The following HERC3 variants were observed in gnomAD, a reference collection of about 807,000 sequenced individuals.
HERC3 encodes HECT and RLD domain containing E3 ubiquitin protein ligase 3.
A neutral mutation model predicts 129.9 loss-of-function variants in HERC3; 58 were observed. That is an observed-to-expected ratio of 0.45 (90% CI 0.36 to 0.56). HERC3 has a LOEUF of 0.56. HERC3 is among the 20% of genes least tolerant of loss of function. The pLI, the probability that HERC3 is intolerant of heterozygous loss-of-function variation, is 0.00. For missense variants in HERC3, 835 were observed against 1,244.2 expected (o/e 0.67, Z 4.95); for synonymous variants, 430 against 451.0 (o/e 0.95, Z 0.59).
At chr4:88,678,239 TTTCA>T (rs771226593) in intron 19 of HERC3, 105 bp downstream of exon 19, 12 of 953,820 alleles carry the variant, frequency 1.3e-5, no homozygotes, top group Non-Finnish European at 1.7e-5. Context: ...GCAGCCATTC[TTTCA>T]TTCATTTTGC....
At chr4:88,654,281 A>AATAG in intron 7 of HERC3, 148 bp downstream of exon 7, 1 of 434,078 alleles carries the variant, frequency 2.3e-6, no homozygotes, top group Non-Finnish European at 4.0e-6. Flanking sequence ...GTTGTTTTCC[A>AATAG]AAGGAATAGA....
chr4:88,670,416 A>G (rs188142931), intron 16 of HERC3, among the ~76,000 whole-genome samples, 164 bp downstream of exon 16: 203 of 152,310 alleles, frequency 1.3e-3, no homozygotes, highest in Non-Finnish European at 2.4e-3. Flanking sequence ...GTAATCATCA[A>G]TGTTATAAGG....
the HERC3 span, among the ~76,000 whole-genome samples, chr4:88,524,599 A>G: frequency 6.6e-6 from 1 of 152,266 alleles, no homozygotes; most frequent in Non-Finnish European, 1.5e-5. Flanking sequence ...TGACTTTGGC[A>G]AATGACTTAA....
intron 2 of HERC3, among the ~76,000 whole-genome samples, chr4:88,602,402 CAA>C (rs112656963): frequency 1.4e-4 from 7 of 51,226 alleles, no homozygotes; most frequent in East Asian, 5.6e-4. Context: ...ACTTGGTCTC[CAA>C]AAAAAAAAAA....
At chr4:88,635,130 G>T (rs781486258) in intron 3 of HERC3, among the ~76,000 whole-genome samples, 1 of 151,980 alleles carries the variant, frequency 6.6e-6, no homozygotes, top group South Asian at 2.1e-4. Flanking sequence ...CAGCAAGGGC[G>T]CAGAACTGTA....
the HERC3 span, among the ~76,000 whole-genome samples, chr4:88,582,667 C>T: frequency 2.7e-4 from 41 of 152,278 alleles, no homozygotes; most frequent in African/African-American, 9.6e-4. Flanking sequence ...TATTCTTATT[C>T]TTCTGGAGGC....
chr4:88,616,670 TTTTG>T (rs370865583), intron 3 of HERC3, among the ~76,000 whole-genome samples: 88 of 152,238 alleles, frequency 5.8e-4, no homozygotes, highest in Middle Eastern at 3.4e-3. Context: ...TGATCTCTGT[TTTTG>T]TTTGTTTGTT....
At chr4:88,552,281 TA>T in the HERC3 span, among the ~76,000 whole-genome samples, 10,789 of 142,884 alleles carry the variant, frequency 0.076, 477 homozygotes, top group South Asian at 0.23. Flanking sequence ...ACTTAAAGTA[TA>T]AAAAAAAAAA....
At chr4:88,701,709 G>T (rs1007444462) in intron 23 of HERC3, among the ~76,000 whole-genome samples, 1 of 150,762 alleles carries the variant, frequency 6.6e-6, no homozygotes, top group African/African-American at 2.4e-5. Context: ...CCCTCTTCCC[G>T]CCCTTCTTTC....
intron 3 of HERC3, among the ~76,000 whole-genome samples, chr4:88,621,844 A>G (rs1218691293): frequency 6.6e-6 from 1 of 152,240 alleles, no homozygotes; most frequent in Non-Finnish European, 1.5e-5. Context: ...TTATAACCCT[A>G]AAACTGTAAG....
intron 2 of HERC3, among the ~76,000 whole-genome samples, 154 bp from the exon 3 acceptor site, chr4:88,605,640 CT>C (rs1320115954): frequency 1.3e-5 from 2 of 152,100 alleles, no homozygotes; most frequent in Non-Finnish European, 2.9e-5. Context: ...AACATAACTG[CT>C]TTCAACAGTA....
intron 3 of HERC3, among the ~76,000 whole-genome samples, chr4:88,612,495 A>G (rs890337030): frequency 1.3e-5 from 2 of 152,196 alleles, no homozygotes; most frequent in South Asian, 2.1e-4. Context: ...TCCCAGAAGC[A>G]TTTTTCAGAT....
Position 88,707,984 on chromosome 4 carries a change from C to T in HERC3, c.*1024C>T, listed in dbSNP as rs1735907765. The T allele has an allele frequency of 6.6e-6, 1 of 151,916 alleles. No homozygotes were observed. Among genetic ancestry groups the T allele is most frequent in the African/African-American group, 2.4e-5 (1 of 41,170 alleles). The allele number at this position is 151,916 out of a possible 1,614,324, so 9.4% of individuals were successfully genotyped here. On this transcript the variant is annotated 3_prime_UTR_variant, in exon 26 of 26. Transcript: ENST00000402738. ...TTCTCTGTTACTTGACTCAGTGCTC[C>T]CTTCCTCTCCTCTCCTTCTAGTGGA...
At chr4:88,595,935 G>A (rs553454128) in intron 2 of HERC3, among the ~76,000 whole-genome samples, 2 of 132,824 alleles carry the variant, frequency 1.5e-5, no homozygotes, top group African/African-American at 5.7e-5. Context: ...TGCAGGCTCC[G>A]CCCCCCGGGG....
chr4:88,539,518 C>A, the HERC3 span, among the ~76,000 whole-genome samples: 2 of 152,228 alleles, frequency 1.3e-5, no homozygotes, highest in African/African-American at 2.4e-5. Context: ...AGGCAGCAGA[C>A]AAGTTCTGCA....
the HERC3 span, among the ~76,000 whole-genome samples, chr4:88,556,709 C>T: frequency 3.3e-5 from 5 of 152,114 alleles, no homozygotes; most frequent in African/African-American, 1.2e-4. Context: ...CTTCCTCAGA[C>T]ACCAATTAGA....
the HERC3 span, among the ~76,000 whole-genome samples, chr4:88,573,215 C>T: frequency 1.3e-5 from 2 of 152,128 alleles, no homozygotes; most frequent in East Asian, 1.9e-4. Context: ...AAAAGAAAAT[C>T]CATAGCCATT....
At chr4:88,676,491 T>A (rs1732176901) in intron 18 of HERC3, 68 bp downstream of exon 18, 1 of 1,089,904 alleles carries the variant, frequency 9.2e-7, no homozygotes, top group African/African-American at 1.6e-5. Context: ...TCAGTTGTAA[T>A]TTTTTCTAGT....
intron 19 of HERC3, 95 bp downstream of exon 19, chr4:88,678,229 G>C: frequency 9.2e-7 from 1 of 1,091,836 alleles, no homozygotes; most frequent in Non-Finnish European, 1.3e-6. Flanking sequence ...ATTGTGGGGT[G>C]CAGCCATTCT....
Sources: gnomAD v4.1 joint callset for allele counts (sites outside exome capture counted in the v4.1 genomes callset) on GRCh38, gnomAD v4.1.1 for gene constraint, MANE v1.5 for transcripts, NCBI Gene and HGNC (gene_info 2026-07-23, HGNC 2026-07-21) for gene names.